HCN1: variants seen among roughly 807,000 people sequenced by gnomAD.
The protein encoded by HCN1 is hyperpolarization activated cyclic nucleotide gated potassium channel 1, also known as potassium/sodium hyperpolarization-activated cyclic nucleotide-gated channel 1.
A neutral mutation model predicts 78.9 loss-of-function variants in HCN1; 13 were observed. The observed-to-expected ratio is 0.16, with a 90% confidence interval of 0.11 to 0.26. The LOEUF is 0.26. Ranked by LOEUF, HCN1 falls within the 10% of genes least tolerant of loss-of-function variation. The pLI, the probability that HCN1 is intolerant of heterozygous loss-of-function variation, is 1.00. For synonymous variants in HCN1, 552 were observed against 455.5 expected (o/e 1.21, Z -2.70); for missense variants, 810 against 1,154.3 (o/e 0.70, Z 4.32).
intron 1 of HCN1, among the ~76,000 whole-genome samples, chr5:45,667,802 C>T (rs373460571): frequency 1.3e-5 from 2 of 151,812 alleles, no homozygotes; most frequent in Admixed American, 1.3e-4. Flanking sequence ...GTAGTTCTTC[C>T]GACAATAGCC....
At chr5:45,338,641 C>T (rs1021422866) in intron 5 of HCN1, among the ~76,000 whole-genome samples, 1 of 152,142 alleles carries the variant, frequency 6.6e-6, no homozygotes, top group Non-Finnish European at 1.5e-5. Flanking sequence ...CCCAAACACA[C>T]CTTTGCCTAA....
chr5:45,536,913 A>T (rs544185564), intron 2 of HCN1, among the ~76,000 whole-genome samples: 67 of 152,208 alleles, frequency 4.4e-4, no homozygotes, highest in Non-Finnish European at 9.0e-4. Flanking sequence ...TACAGTTGCT[A>T]ACAGCTGCTT....
intron 6 of HCN1, among the ~76,000 whole-genome samples, chr5:45,279,205 C>T (rs1270776077): frequency 6.6e-6 from 1 of 152,116 alleles, no homozygotes; most frequent in Non-Finnish European, 1.5e-5. Flanking sequence ...ATCCAAACTA[C>T]ATATTATCTT....
intron 3 of HCN1, among the ~76,000 whole-genome samples, chr5:45,410,157 A>T (rs899080053): frequency 6.6e-6 from 1 of 152,022 alleles, no homozygotes; most frequent in Non-Finnish European, 1.5e-5. Context: ...CATGGTGATT[A>T]TCACAAGAGC....
At chr5:45,424,752 T>A (rs971553463) in intron 3 of HCN1, among the ~76,000 whole-genome samples, 1 of 152,206 alleles carries the variant, frequency 6.6e-6, no homozygotes, top group Non-Finnish European at 1.5e-5. Flanking sequence ...CTTAGTATTT[T>A]AGTTCTCCAT....
intron 2 of HCN1, chr5:45,643,452 T>G (rs1435641450): frequency 6.6e-6 from 1 of 152,164 alleles, no homozygotes; most frequent in Non-Finnish European, 1.5e-5. Flanking sequence ...TTGTATTGCA[T>G]GGCCCACAGT....
rs560534888 is a variant in HCN1 at position 45,603,449 on chromosome 5, G to C, written c.849+41736C>G. Among the ~76,000 whole-genome samples, 332 of 152,166 alleles carry C rather than the reference G, an allele frequency of 2.2e-3. 1 individual carries two copies. The highest frequency in any genetic ancestry group is 3.6e-3 in the Non-Finnish European group (246 of 67,992). ...GTTTGTTAAAAGATTATGTAATCTG[G>C]CATCTAATTTTTACAGATGAATATT... On this transcript the variant is annotated intron_variant, in intron 2 of 7. Transcript: ENST00000303230.
chr5:45,532,600 A>G (rs570880472), intron 2 of HCN1, among the ~76,000 whole-genome samples: 2 of 152,244 alleles, frequency 1.3e-5, no homozygotes, highest in South Asian at 4.1e-4. Flanking sequence ...GGCAAAATCT[A>G]CCCTTAAATT....
At chr5:45,263,766 T>A (rs974364537) in intron 7 of HCN1, among the ~76,000 whole-genome samples, 2 of 151,866 alleles carry the variant, frequency 1.3e-5, no homozygotes, top group South Asian at 2.1e-4. Context: ...ATTCTTTTTT[T>A]AAAATTTATT....
intron 2 of HCN1, among the ~76,000 whole-genome samples, chr5:45,487,144 A>G (rs1741785578): frequency 6.6e-6 from 1 of 152,142 alleles, no homozygotes; most frequent in Admixed American, 6.6e-5. Flanking sequence ...AACAATCTGA[A>G]ACAGAAATGT....
intron 2 of HCN1, among the ~76,000 whole-genome samples, chr5:45,600,495 T>C: frequency 6.6e-6 from 1 of 152,158 alleles, no homozygotes; most frequent in Non-Finnish European, 1.5e-5. Flanking sequence ...TGTGAAAATA[T>C]TCTTTTGCAT....
chr5:45,329,807 T>A (rs1390028397), intron 5 of HCN1, among the ~76,000 whole-genome samples: 1 of 151,388 alleles, frequency 6.6e-6, no homozygotes. Flanking sequence ...GGGATTGAAA[T>A]AATAACAAAG....
intron 5 of HCN1, among the ~76,000 whole-genome samples, chr5:45,319,689 T>C (rs988216246): frequency 2.0e-5 from 3 of 151,668 alleles, no homozygotes; most frequent in Non-Finnish European, 4.4e-5. Flanking sequence ...TGGTAATTTG[T>C]TTCCTGGTTT....
At chr5:45,586,143 A>C (rs1377233072) in intron 2 of HCN1, among the ~76,000 whole-genome samples, 2 of 152,156 alleles carry the variant, frequency 1.3e-5, no homozygotes, top group African/African-American at 4.8e-5. Flanking sequence ...AGAGGCAGGC[A>C]GGCTTCCTTG....
chr5:45,429,075 T>A (rs112502480), intron 3 of HCN1, among the ~76,000 whole-genome samples: 2,066 of 152,202 alleles, frequency 0.014, 46 homozygotes, highest in African/African-American at 0.047. Flanking sequence ...AAAATAACCT[T>A]TAGAGGTTTG....
At chr5:45,639,336 T>A (rs1316978533) in intron 2 of HCN1, among the ~76,000 whole-genome samples, 1 of 152,210 alleles carries the variant, frequency 6.6e-6, no homozygotes, top group African/African-American at 2.4e-5. Context: ...TGTCAGTAGA[T>A]GTGCTAATTT....
At chr5:45,442,643 A>G (rs1288244128) in intron 3 of HCN1, among the ~76,000 whole-genome samples, 1 of 152,054 alleles carries the variant, frequency 6.6e-6, no homozygotes, top group East Asian at 1.9e-4. Flanking sequence ...AAAACATCTG[A>G]ATATTCAGCT....
chr5:45,265,424 T>G (rs1744836882), intron 7 of HCN1, among the ~76,000 whole-genome samples: 1 of 152,214 alleles, frequency 6.6e-6, no homozygotes, highest in African/African-American at 2.4e-5. Flanking sequence ...GAGTGCCTAC[T>G]TCTTTTGTGG....
chr5:45,302,165 T>C (rs1348607575), intron 6 of HCN1, among the ~76,000 whole-genome samples: 1 of 152,100 alleles, frequency 6.6e-6, no homozygotes, highest in African/African-American at 2.4e-5. Context: ...ACAAATTTCA[T>C]CTCAAATTGT....
Sources: allele counts gnomAD v4.1 joint callset (sites outside exome capture counted in the v4.1 genomes callset), GRCh38; gene constraint gnomAD v4.1.1; transcripts MANE v1.5; gene names NCBI Gene and HGNC (gene_info 2026-07-23, HGNC 2026-07-21).